Variants in ANKS1B observed in about 807,000 individuals in gnomAD.
ANKS1B encodes the protein ankyrin repeat and sterile alpha motif domain-containing protein 1B.
Under a neutral mutation model 148.3 loss-of-function variants are expected in ANKS1B, and 36 were observed. That is an observed-to-expected ratio of 0.24 (90% CI 0.19 to 0.32). ANKS1B has a LOEUF of 0.32. ANKS1B is among the 10% of genes least tolerant of loss of function. The probability of loss-of-function intolerance (pLI) is 1.00; values close to 1 mark genes in which losing one functional copy is unlikely to be tolerated. For missense variants in ANKS1B, 1,157 were observed against 1,542.6 expected (o/e 0.75, Z 4.19); for synonymous variants, 542 against 560.8 (o/e 0.97, Z 0.47).
intron 8 of ANKS1B, among the ~76,000 whole-genome samples, chr12:99,732,603 C>A (rs560287437): frequency 6.6e-6 from 1 of 152,118 alleles, no homozygotes; most frequent in African/African-American, 2.4e-5. Context: ...TGGAAATTGG[C>A]CAAAGGGGCA....
intron 1 of ANKS1B, among the ~76,000 whole-genome samples, chr12:99,883,326 T>C (rs1413559986): frequency 2.0e-5 from 3 of 148,188 alleles, no homozygotes; most frequent in Admixed American, 1.4e-4. Context: ...CAAATGGACG[T>C]TTCGAAGCAA....
chr12:98,789,589 G>A (rs1262642837), intron 22 of ANKS1B, among the ~76,000 whole-genome samples: 1 of 152,084 alleles, frequency 6.6e-6, no homozygotes, highest in Non-Finnish European at 1.5e-5. Flanking sequence ...GTTTCACAGT[G>A]TGTATACCCT....
intron 17 of ANKS1B, among the ~76,000 whole-genome samples, chr12:98,841,812 C>T (rs191163909): frequency 1.3e-5 from 2 of 151,942 alleles, no homozygotes; most frequent in African/African-American, 4.8e-5. Flanking sequence ...TCCCTTTGTC[C>T]CCACCCCCAC....
chr12:99,602,088 G>C (rs562446676), intron 9 of ANKS1B, among the ~76,000 whole-genome samples: 1 of 152,104 alleles, frequency 6.6e-6, no homozygotes, highest in South Asian at 2.1e-4. Context: ...GGCATAAAAA[G>C]GGCAGGAGAA....
intron 1 of ANKS1B, among the ~76,000 whole-genome samples, chr12:99,945,097 T>G (rs569021143): frequency 6.6e-6 from 1 of 152,056 alleles, no homozygotes; most frequent in African/African-American, 2.4e-5. Flanking sequence ...TACATTCCAG[T>G]TGGGAAAGAC....
At chr12:98,884,243 CTG>C (rs1425955026) in intron 17 of ANKS1B, among the ~76,000 whole-genome samples, 1 of 152,194 alleles carries the variant, frequency 6.6e-6, no homozygotes, top group Non-Finnish European at 1.5e-5. Flanking sequence ...AATATTTTCT[CTG>C]AGTTACATTT....
intron 1 of ANKS1B, among the ~76,000 whole-genome samples, chr12:99,951,700 C>T (rs1420657644): frequency 6.9e-6 from 1 of 145,256 alleles, no homozygotes; most frequent in Non-Finnish European, 1.5e-5. Context: ...CATAGCAAGA[C>T]CTTGCCTCTA....
chr12:98,988,864 C>A (rs2099924985), intron 17 of ANKS1B, among the ~76,000 whole-genome samples: 1 of 152,034 alleles, frequency 6.6e-6, no homozygotes, highest in South Asian at 2.1e-4. Context: ...ATGTTGAGCA[C>A]CTTTTCATAT....
At chr12:99,681,609 G>A (rs748539028) in intron 8 of ANKS1B, among the ~76,000 whole-genome samples, 1 of 152,188 alleles carries the variant, frequency 6.6e-6, no homozygotes, top group Non-Finnish European at 1.5e-5. Context: ...CAGTCAGGCT[G>A]TCAGGAAGCC....
intron 16 of ANKS1B, among the ~76,000 whole-genome samples, chr12:99,065,005 G>A (rs1249564121): frequency 1.1e-4 from 16 of 151,962 alleles, no homozygotes; most frequent in Admixed American, 9.8e-4. Context: ...TTTTTATGAA[G>A]CAAGAGTTCA....
At chr12:99,593,234 G>A (rs994395767) in intron 9 of ANKS1B, among the ~76,000 whole-genome samples, 1 of 150,656 alleles carries the variant, frequency 6.6e-6, no homozygotes, top group Non-Finnish European at 1.5e-5. Flanking sequence ...CATTCAGATG[G>A]TTGGGGTTGG....
chr12:99,157,182 T>C (rs1313372458), intron 14 of ANKS1B, among the ~76,000 whole-genome samples: 2 of 152,182 alleles, frequency 1.3e-5, no homozygotes, highest in African/African-American at 2.4e-5. Flanking sequence ...ACATTACCTA[T>C]AGGAGAAGCT....
intron 9 of ANKS1B, among the ~76,000 whole-genome samples, chr12:99,602,827 G>T (rs2097815036): frequency 6.6e-6 from 1 of 152,040 alleles, no homozygotes. Flanking sequence ...AAGAATTTCA[G>T]AATACAGCCC....
chr12:99,774,988 G>T (rs1458408515), intron 7 of ANKS1B, among the ~76,000 whole-genome samples: 1 of 152,046 alleles, frequency 6.6e-6, no homozygotes, highest in Non-Finnish European at 1.5e-5. Flanking sequence ...AATGCCAGGG[G>T]CTGGGGAGTG....
chr12:99,810,164 G>C (rs561287333), intron 3 of ANKS1B, among the ~76,000 whole-genome samples: 1 of 151,938 alleles, frequency 6.6e-6, no homozygotes, highest in Non-Finnish European at 1.5e-5. Flanking sequence ...CGTGGCCTTC[G>C]ACAAGTTGTT....
chr12:98,947,442 G>A (rs1303257399), intron 17 of ANKS1B, among the ~76,000 whole-genome samples: 1 of 152,154 alleles, frequency 6.6e-6, no homozygotes, highest in Non-Finnish European at 1.5e-5. Context: ...GAGTATAGGG[G>A]AATGTGGGAG....
chr12:98,994,941 T>G (rs2099928633), intron 17 of ANKS1B, among the ~76,000 whole-genome samples: 1 of 152,152 alleles, frequency 6.6e-6, no homozygotes. Flanking sequence ...AGGATAAAAT[T>G]CAACCATAAC....
chr12:99,650,358 G>GACTCTCTCTCTC (rs1555528830), intron 9 of ANKS1B, among the ~76,000 whole-genome samples: 1 of 90,426 alleles, frequency 1.1e-5, no homozygotes, highest in Non-Finnish European at 2.8e-5. Flanking sequence ...TTAACTGTGA[G>GACTCTCTCTCTC]TTTCAGTAGA....
At chr12:99,271,446 T>G (rs968499250) in intron 12 of ANKS1B, among the ~76,000 whole-genome samples, 8 of 151,956 alleles carry the variant, frequency 5.3e-5, no homozygotes, top group Admixed American at 3.3e-4. Flanking sequence ...ATATCTATCC[T>G]TCAAGTGAAA....
Sources: allele counts gnomAD v4.1 joint callset (sites outside exome capture counted in the v4.1 genomes callset), GRCh38; gene constraint gnomAD v4.1.1; transcripts MANE v1.5; gene names NCBI Gene and HGNC (gene_info 2026-07-23, HGNC 2026-07-21).